Variants in KLHL2 observed in about 807,000 individuals in gnomAD.
KLHL2 encodes kelch-like protein 2.
Under a neutral mutation model 75.8 loss-of-function variants are expected in KLHL2, and 15 were observed. The observed-to-expected ratio is 0.20, with a 90% confidence interval of 0.13 to 0.30. The LOEUF (loss-of-function observed/expected upper bound fraction) is 0.30, where lower values mean the gene tolerates loss of function less well. Ranked by LOEUF, KLHL2 falls within the 10% of genes least tolerant of loss-of-function variation. KLHL2 has a pLI of 1.00. For synonymous variants in KLHL2, 214 were observed against 251.9 expected, an observed-to-expected ratio of 0.85 and a Z score of 1.42; for missense variants, 381 against 741.0, an observed-to-expected ratio of 0.51 and a Z score of 5.64.
intron 14 of KLHL2, chr4:165,321,385 G>A: frequency 2.3e-6 from 1 of 437,912 alleles, no homozygotes; most frequent in Non-Finnish European, 4.5e-6. Flanking sequence ...AGTAAATATA[G>A]TTCCTCTTCC....
At chr4:165,241,724 C>T (rs1338982440) in intron 4 of KLHL2, among the ~76,000 whole-genome samples, 1 of 152,212 alleles carries the variant, frequency 6.6e-6, no homozygotes, top group East Asian at 1.9e-4. Context: ...CAGTTGGCGA[C>T]AGAACAGGGC....
chr4:165,269,585 C>A (rs183146522), intron 5 of KLHL2, among the ~76,000 whole-genome samples: 1 of 143,994 alleles, frequency 6.9e-6, no homozygotes, highest in Non-Finnish European at 1.6e-5. Flanking sequence ...CTGAGTTTGG[C>A]TGGATATGAA....
intron 3 of KLHL2, among the ~76,000 whole-genome samples, chr4:165,235,434 C>T (rs1321827619): frequency 6.6e-6 from 1 of 152,240 alleles, no homozygotes; most frequent in Non-Finnish European, 1.5e-5. Context: ...CTCCTGACCT[C>T]ACATGATCCG....
At chr4:165,275,183 A>T (rs1342673541) in intron 5 of KLHL2, among the ~76,000 whole-genome samples, 1 of 151,684 alleles carries the variant, frequency 6.6e-6, no homozygotes, top group African/African-American at 2.4e-5. Flanking sequence ...TATCATGTCT[A>T]AAAATGAAAT....
At chr4:165,297,500 C>T (rs1745006080) in intron 6 of KLHL2, 109 bp from the exon 7 acceptor site, 2 of 675,634 alleles carry the variant, frequency 3.0e-6, no homozygotes, top group Non-Finnish European at 5.4e-6. Context: ...GTGAATTAAA[C>T]TTGGATGTCT....
chr4:165,270,265 C>T (rs1379558387), intron 5 of KLHL2, among the ~76,000 whole-genome samples: 3 of 152,134 alleles, frequency 2.0e-5, no homozygotes, highest in Non-Finnish European at 4.4e-5. Context: ...TGGGTTAGAA[C>T]GTGCTCCTTT....
chr4:165,207,875 C>G lies in KLHL2; in HGVS notation c.-2C>G. On this transcript the variant is annotated 5_prime_UTR_variant, in exon 1 of 15. Transcript: ENST00000226725. This position sits in a 1 kb window ranked among gnomAD's most constrained non-coding sequence, Gnocchi z 4.2. ...GCGTTCTGAAGCCCGAGAGGAGCCA[C>G]AATGGAGACGCCGCCGCTGCCTCCC... 6.9e-7 allele frequency: 1 copy of G among 1,448,760 alleles called. No homozygotes were observed. The highest frequency in any genetic ancestry group is 2.4e-5 in the Admixed American group (1 of 41,778). 89.7% of individuals were successfully genotyped at this position (1,448,760 alleles called of 1,614,324 possible).
chr4:165,240,863 G>A (rs1739767096), intron 4 of KLHL2, among the ~76,000 whole-genome samples: 2 of 152,184 alleles, frequency 1.3e-5, no homozygotes, highest in East Asian at 1.9e-4. Flanking sequence ...AGCCCTGAAT[G>A]TTGTTTGTAG....
chr4:165,222,148 T>C (rs568994738), intron 2 of KLHL2, among the ~76,000 whole-genome samples: 15 of 152,178 alleles, frequency 9.9e-5, no homozygotes, highest in Non-Finnish European at 1.9e-4. Flanking sequence ...CACCAAGTGC[T>C]CCTTCCCTTG....
At chr4:165,253,760 A>G (rs1740932326) in intron 4 of KLHL2, among the ~76,000 whole-genome samples, 1 of 152,248 alleles carries the variant, frequency 6.6e-6, no homozygotes, top group Non-Finnish European at 1.5e-5. Flanking sequence ...CTTGAACTTC[A>G]TATAAATAGA....
chr4:165,281,738 T>C (rs1412626108), intron 5 of KLHL2, among the ~76,000 whole-genome samples: 2 of 152,202 alleles, frequency 1.3e-5, no homozygotes, highest in Non-Finnish European at 2.9e-5. Context: ...AATGAGCATA[T>C]ATGTTCATTA....
At chr4:165,260,561 CAT>C (rs1000168231) in intron 4 of KLHL2, among the ~76,000 whole-genome samples, 9 of 150,238 alleles carry the variant, frequency 6.0e-5, no homozygotes, top group African/African-American at 2.0e-4. Flanking sequence ...GCTACACACA[CAT>C]ATATGTGTGT....
In KLHL2 at chr4:165,295,387, T is replaced by G. The variant is rs6832550; in HGVS notation, c.654+919T>G. Among the ~76,000 whole-genome samples the G allele has an allele frequency of 5.6e-3, 854 of 152,304 alleles. 8 individuals are homozygous for G. Among genetic ancestry groups the G allele is most frequent in the African/African-American group, 0.019 (801 of 41,560 alleles). On this transcript the variant is annotated intron_variant, in intron 6 of 14. Coordinates refer to ENST00000226725, the MANE Select transcript of KLHL2 (RefSeq NM_007246.4). ...GAAAGCATTTGTGACATATATAATC[T>G]TAGCATCCTAGAAATACAGAGGAAG... is the stretch of plus-strand genomic sequence containing the variant.
intron 4 of KLHL2, among the ~76,000 whole-genome samples, chr4:165,246,120 G>T (rs1239719712): frequency 1.3e-5 from 2 of 152,054 alleles, no homozygotes; most frequent in Non-Finnish European, 2.9e-5. Context: ...TTTGAGCAGA[G>T]ACTTGAATGA....
At chr4:165,246,908 A>T (rs1231050945) in intron 4 of KLHL2, among the ~76,000 whole-genome samples, 1 of 152,152 alleles carries the variant, frequency 6.6e-6, no homozygotes, top group Non-Finnish European at 1.5e-5. Flanking sequence ...AGAGAAAGCA[A>T]GCAAGCCAAA....
intron 4 of KLHL2, among the ~76,000 whole-genome samples, chr4:165,255,971 C>T (rs182958653): frequency 2.1e-4 from 32 of 152,124 alleles, no homozygotes; most frequent in African/African-American, 7.5e-4. Flanking sequence ...TTATTTCCCC[C>T]TATGGAATAA....
chr4:165,225,320 A>C (rs1738345316), intron 2 of KLHL2, among the ~76,000 whole-genome samples: 1 of 152,154 alleles, frequency 6.6e-6, no homozygotes, highest in South Asian at 2.1e-4. Flanking sequence ...TTCATTTTAT[A>C]ATCACTTATT....
intron 9 of KLHL2, among the ~76,000 whole-genome samples, chr4:165,309,441 G>A (rs1745984320): frequency 6.6e-6 from 1 of 152,194 alleles, no homozygotes; most frequent in African/African-American, 2.4e-5. Context: ...TAGCAGTCTA[G>A]TTTCTCCATT....
chr4:165,314,929 C>T (rs191088458), intron 13 of KLHL2, among the ~76,000 whole-genome samples: 2 of 152,094 alleles, frequency 1.3e-5, no homozygotes, highest in African/African-American at 4.8e-5. Context: ...TGGACACCCC[C>T]CTCCATCAGC....
Sources: allele counts gnomAD v4.1 joint callset (sites outside exome capture counted in the v4.1 genomes callset), GRCh38; gene constraint gnomAD v4.1.1; non-coding constraint Gnocchi (gnomAD v3.1); transcripts MANE v1.5; gene names NCBI Gene and HGNC (gene_info 2026-07-23, HGNC 2026-07-21).